Variants in TMTC2 observed in about 807,000 individuals in gnomAD.
The protein encoded by TMTC2 is transmembrane O-mannosyltransferase targeting cadherins 2, also known as protein O-mannosyl-transferase TMTC2.
A neutral mutation model predicts 82.4 loss-of-function variants in TMTC2; 43 were observed. The ratio of observed to expected loss-of-function variants is 0.52; its 90% CI spans 0.41 to 0.67. The LOEUF is 0.67. Among genes scored for constraint, TMTC2 ranks in the 30% least tolerant of loss-of-function variants. The pLI, the probability that TMTC2 is intolerant of heterozygous loss-of-function variation, is 0.00. For synonymous variants in TMTC2, 408 were observed against 381.9 expected, an observed-to-expected ratio of 1.07 and a Z score of -0.80; for missense variants, 919 against 1,012.4, an observed-to-expected ratio of 0.91 and a Z score of 1.25.
intron 1 of TMTC2, among the ~76,000 whole-genome samples, chr12:82,757,557 G>A (rs1378591801): frequency 6.6e-6 from 1 of 152,138 alleles, no homozygotes; most frequent in Non-Finnish European, 1.5e-5. Flanking sequence ...AGCCTGTACA[G>A]TGCTTATTAT....
chr12:83,102,839 C>T (rs1884264975), intron 11 of TMTC2, among the ~76,000 whole-genome samples: 1 of 152,178 alleles, frequency 6.6e-6, no homozygotes, highest in African/African-American at 2.4e-5. Context: ...CCGTAATTGT[C>T]ATTGACCAAC....
Position 82,786,605 on chromosome 12 carries a change from T to G in TMTC2, c.84-70405T>G, listed in dbSNP as rs145581683. Among the ~76,000 whole-genome samples the G allele has an allele frequency of 4.4e-4, 67 of 152,310 alleles. No individual in the cohort carries two copies. The East Asian group carries it at 0.012, about 28-fold the overall frequency. ...ATCTGCCATTATTTTGAAGTAACAC[T>G]GATGAACTAGTGTTAAATGTTTACT... On this transcript the variant is annotated intron_variant, in intron 1 of 11. Coordinates refer to ENST00000321196, the MANE Select transcript of TMTC2 (RefSeq NM_152588.3).
chr12:82,715,533 G>A (rs1043101339), intron 1 of TMTC2, among the ~76,000 whole-genome samples: 14 of 152,208 alleles, frequency 9.2e-5, no homozygotes, highest in Non-Finnish European at 1.8e-4. Flanking sequence ...TTTGTGACAA[G>A]TCTGTCCAGG....
chr12:83,093,669 A>G (rs1820299115), intron 11 of TMTC2, among the ~76,000 whole-genome samples: 1 of 152,168 alleles, frequency 6.6e-6, no homozygotes, highest in African/African-American at 2.4e-5. Flanking sequence ...CAGGAAGTAA[A>G]TTAAGGTCTA....
intron 11 of TMTC2, among the ~76,000 whole-genome samples, chr12:83,119,404 A>G (rs902629066): frequency 2.6e-5 from 4 of 152,146 alleles, no homozygotes; most frequent in Admixed American, 6.5e-5. Flanking sequence ...TTTTAACTCA[A>G]TCATCATTCA....
intron 2 of TMTC2, among the ~76,000 whole-genome samples, chr12:82,875,193 A>G (rs1440701323): frequency 6.6e-6 from 1 of 152,228 alleles, no homozygotes; most frequent in Non-Finnish European, 1.5e-5. Context: ...CAGGCTCTCC[A>G]AAGAGATTAT....
chr12:83,121,496 T>A (rs1884945727), intron 11 of TMTC2, among the ~76,000 whole-genome samples: 1 of 152,132 alleles, frequency 6.6e-6, no homozygotes, highest in African/African-American at 2.4e-5. Context: ...TGGTATCCTA[T>A]AATGTGCACC....
intron 11 of TMTC2, among the ~76,000 whole-genome samples, chr12:83,093,091 CTGTG>C (rs138168467): frequency 6.6e-6 from 1 of 151,940 alleles, no homozygotes; most frequent in African/African-American, 2.4e-5. Flanking sequence ...GGACATTACT[CTGTG>C]TGTGTGTGCA....
chr12:82,792,844 A>G (rs2137024853), intron 1 of TMTC2, among the ~76,000 whole-genome samples: 1 of 152,068 alleles, frequency 6.6e-6, no homozygotes, highest in South Asian at 2.1e-4. Flanking sequence ...TTCATCTTTT[A>G]TTTTTTGAAG....
intron 1 of TMTC2, among the ~76,000 whole-genome samples, chr12:82,720,353 A>T (rs915712698): frequency 1.3e-5 from 2 of 152,176 alleles, no homozygotes; most frequent in South Asian, 2.1e-4. Flanking sequence ...TACTTAGCAA[A>T]ATATTTATAA....
chr12:83,013,705 C>A (rs1880555175), intron 8 of TMTC2, among the ~76,000 whole-genome samples: 1 of 152,132 alleles, frequency 6.6e-6, no homozygotes, highest in South Asian at 2.1e-4. Context: ...CCTAATTTTG[C>A]TTCTGTGAAA....
At chr12:83,011,111 A>G (rs970643772) in intron 8 of TMTC2, among the ~76,000 whole-genome samples, 1 of 152,346 alleles carries the variant, frequency 6.6e-6, no homozygotes. Flanking sequence ...TTGGGATTAC[A>G]GGCATGAGCC....
chr12:82,739,121 C>T (rs1875266348), intron 1 of TMTC2, among the ~76,000 whole-genome samples: 1 of 148,576 alleles, frequency 6.7e-6, no homozygotes, highest in African/African-American at 2.5e-5. Context: ...GCACTCTAGC[C>T]TGGGCGACAG....
At chr12:83,052,317 T>C (rs1200480169) in intron 10 of TMTC2, among the ~76,000 whole-genome samples, 5 of 152,140 alleles carry the variant, frequency 3.3e-5, no homozygotes, top group Non-Finnish European at 7.4e-5. Flanking sequence ...AATGTCATAA[T>C]TCAACATTCA....
chr12:82,810,100 G>A (rs2137048226), intron 1 of TMTC2, among the ~76,000 whole-genome samples: 1 of 152,098 alleles, frequency 6.6e-6, no homozygotes, highest in South Asian at 2.1e-4. Flanking sequence ...TGGATATGGA[G>A]AGAAATTGTT....
chr12:82,864,227 C>A (rs759481678), intron 2 of TMTC2, among the ~76,000 whole-genome samples: 1 of 151,932 alleles, frequency 6.6e-6, no homozygotes, highest in Non-Finnish European at 1.5e-5. Flanking sequence ...GATATCGGGG[C>A]CTTCTGTGCT....
intron 8 of TMTC2, among the ~76,000 whole-genome samples, chr12:82,988,580 G>C (rs11115507): frequency 6.6e-6 from 1 of 151,904 alleles, no homozygotes; most frequent in Non-Finnish European, 1.5e-5. Flanking sequence ...GGCAGAATGA[G>C]GAGGGGAGTG....
At chr12:83,071,114 A>G (rs1218173862) in intron 11 of TMTC2, among the ~76,000 whole-genome samples, 1 of 150,576 alleles carries the variant, frequency 6.6e-6, no homozygotes, top group African/African-American at 2.4e-5. Context: ...AAAGATTTTA[A>G]TATCAATAGT....
chr12:82,762,943 A>G (rs984962883), intron 1 of TMTC2, among the ~76,000 whole-genome samples: 4 of 152,136 alleles, frequency 2.6e-5, no homozygotes, highest in Non-Finnish European at 4.4e-5. Flanking sequence ...ATATATGGGT[A>G]GTGTATTAGT....
Sources: gnomAD v4.1 joint callset for allele counts (sites outside exome capture counted in the v4.1 genomes callset) on GRCh38, gnomAD v4.1.1 for gene constraint, MANE v1.5 for transcripts, NCBI Gene and HGNC (gene_info 2026-07-23, HGNC 2026-07-21) for gene names.